The following RCC2 variants were observed in gnomAD, a reference collection of about 807,000 sequenced individuals.
RCC2 encodes the protein regulator of chromosome condensation 2.
RCC2 carries 19 observed loss-of-function variants against 64.1 expected under a neutral mutation model. The observed-to-expected ratio is 0.30, with a 90% CI of 0.21 to 0.44. The LOEUF is 0.44. Among genes scored for constraint, RCC2 ranks in the 20% least tolerant of loss-of-function variants. The probability of loss-of-function intolerance (pLI) is 1.00; values close to 1 mark genes in which losing one functional copy is unlikely to be tolerated. For missense variants in RCC2, 508 were observed against 710.4 expected, an observed-to-expected ratio of 0.72 and a Z score of 3.24; for synonymous variants, 325 against 279.6, an observed-to-expected ratio of 1.16 and a Z score of -1.62.
At chr1:17,422,680 G>C (rs759341842) in intron 5 of RCC2, 25 bp downstream of exon 5, 1 of 1,610,958 alleles carries the variant, frequency 6.2e-7, no homozygotes, top group Admixed American at 1.7e-5. Flanking sequence ...AAACTGAGAG[G>C]AGACACCAGC....
intron 7 of RCC2, among the ~76,000 whole-genome samples, chr1:17,419,926 CA>C (rs776137331): frequency 6.6e-6 from 1 of 152,226 alleles, no homozygotes; most frequent in Non-Finnish European, 1.5e-5. Context: ...TTTAGTTTCA[CA>C]AAGTCACTGT....
chr1:17,406,849 C>T lies in RCC2; in HGVS notation c.*2241G>A, dbSNP rs2075365890. On this transcript the variant is annotated 3_prime_UTR_variant, in exon 13 of 13. Coordinates refer to ENST00000375436, the MANE Select transcript of RCC2 (RefSeq NM_018715.4). The stretch of plus-strand genomic sequence containing the variant: ...TAATAAGACAATTACAGCACTAAAC[C>T]AGGCACCTTCGACCAAATCACAACC... 6.6e-6 allele frequency: 1 copy of T among 152,130 alleles called. No homozygotes were observed. Among genetic ancestry groups the T allele is most frequent in the Admixed American group, 6.5e-5 (1 of 15,280 alleles). 9.4% of individuals were successfully genotyped at this position (152,130 alleles called of 1,614,324 possible).
chr1:17,434,747 G>A (rs762455772), intron 2 of RCC2, among the ~76,000 whole-genome samples: 2 of 152,182 alleles, frequency 1.3e-5, no homozygotes, highest in East Asian at 3.9e-4. Context: ...ACACCCAGCC[G>A]GTGTGTGCTG....
rs765416456 is a variant in RCC2, at chr1:17,422,833, C to T, written c.527G>A (p.Arg176Gln). 6.2e-7 allele frequency: 1 copy of T among 1,614,040 alleles called. No homozygotes were observed. Residue 176 changes from arginine to glutamine, a missense_variant, in exon 5 of 13, where the codon CGA (arginine) becomes CAA (glutamine). Physicochemically the swap from Arg to Gln is conservative, Grantham distance 43. Around this residue, in one of 4 missense-constraint regions of RCC2, gnomAD observed 132 missense variants for 207.3 expected, o/e 0.64. Transcript: ENST00000375436. Reference sequence around the variant, plus strand: ...ATGTCCCAGCTGCCCCTTCTCATTTCGACCTGCAGATCACATGAGAGAAAG... The same window carrying T: ...ATGTCCCAGCTGCCCCTTCTCATTTTGACCTGCAGATCACATGAGAGAAAG... ...TTEGKLWSWG[R>Q]NEKGQLGHGD... is the part of the protein sequence containing the mutation.
intron 11 of RCC2, among the ~76,000 whole-genome samples, chr1:17,411,770 A>AC (rs2075429184): frequency 6.6e-6 from 1 of 152,216 alleles, no homozygotes; most frequent in Non-Finnish European, 1.5e-5. Flanking sequence ...CAAATCACCC[A>AC]CAACTGTGAG....
chr1:17,414,584 T>C lies in RCC2; in HGVS notation c.1027-867A>G, dbSNP rs1395517529. 3.4e-5 allele frequency among the ~76,000 whole-genome samples: 5 copies of C among 148,500 alleles called. No individual in the cohort carries two copies. In the East Asian group the frequency reaches 7.9e-4, roughly 23 times the overall value. ...AAAAACACAACAAAAAAAAAACAGA[T>C]TCAATTGCAGAAAGAACAGAAAAGG... On this transcript the variant is annotated intron_variant, in intron 8 of 12. Transcript: ENST00000375436.
In RCC2 at chr1:17,431,663, CA is replaced by C. The variant is rs1022119809; in HGVS notation, c.286-2465del. 7.8e-4 allele frequency among the ~76,000 whole-genome samples: 118 copies of C among 151,930 alleles called. 1 individual carries two copies. The highest frequency in any genetic ancestry group is 2.8e-3 in the African/African-American group (114 of 41,452). On this transcript the variant is annotated intron_variant, in intron 2 of 12. Transcript: ENST00000375436. ...TCTTCATGACGGATGATTTCCACTT[CA>C]ATAGGAACCTTTACACGACCCAAAC...
At chr1:17,410,697 C>T (rs1430947182) in intron 11 of RCC2, among the ~76,000 whole-genome samples, 2 of 152,026 alleles carry the variant, frequency 1.3e-5, no homozygotes, top group Non-Finnish European at 2.9e-5. Context: ...ACCCTCCCTC[C>T]CCAGCCCAGG....
At chr1:17,418,224 T>TTG (rs1214914205) in intron 7 of RCC2, among the ~76,000 whole-genome samples, 1 of 151,322 alleles carries the variant, frequency 6.6e-6, no homozygotes, top group Non-Finnish European at 1.5e-5. Context: ...TTTTTTTTTT[T>TTG]TTTTTTTTGA....
chr1:17,425,413 TG>T, intron 4 of RCC2, 127 bp downstream of exon 4: 1 of 890,750 alleles, frequency 1.1e-6, no homozygotes, highest in Non-Finnish European at 1.6e-6. Context: ...AAAAAAGACA[TG>T]GGCTGTGAAC....
chr1:17,414,787 T>C (rs537198675), intron 8 of RCC2, among the ~76,000 whole-genome samples: 23 of 152,156 alleles, frequency 1.5e-4, no homozygotes, highest in Middle Eastern at 3.4e-3. Flanking sequence ...TGCACCACCA[T>C]GCCCAGCTGA....
At chr1:17,429,547 C>T (rs1229069241) in intron 2 of RCC2, among the ~76,000 whole-genome samples, 1 of 152,188 alleles carries the variant, frequency 6.6e-6, no homozygotes, top group African/African-American at 2.4e-5. Context: ...CTGCCGGACA[C>T]TCAGGGGCGT....
chr1:17,413,661 C>G lies in RCC2; in HGVS notation c.1083G>C (p.Arg361=), dbSNP rs1221702297. The change falls in exon 9 of 13, where the codon CGG becomes CGC. Residue 361 remains arginine (R), a synonymous_variant. Transcript: ENST00000375436. ...CATCCTTCTGCTCTGCGTGGCCCAG[C>G]CGGCCATAGCCACCAAAGCCCCAGG... ...VFSWGFGGYG[R]LGHAEQKDEM... is the part of the protein sequence containing the mutation. 2 of 1,614,002 alleles carry G rather than the reference C, an allele frequency of 1.2e-6. No homozygotes were observed. Among genetic ancestry groups the G allele is most frequent in the Non-Finnish European group, 1.7e-6 (2 of 1,179,998 alleles).
At chr1:17,416,245 G>C (rs939030029) in intron 8 of RCC2, among the ~76,000 whole-genome samples, 2 of 152,172 alleles carry the variant, frequency 1.3e-5, no homozygotes, top group African/African-American at 4.8e-5. Context: ...AAACATCTAC[G>C]TGTTTAAGAT....
intron 7 of RCC2, among the ~76,000 whole-genome samples, chr1:17,417,424 T>C (rs886374248): frequency 1.3e-4 from 20 of 152,176 alleles, no homozygotes; most frequent in African/African-American, 3.1e-4. Context: ...TCCCAGCACG[T>C]TGGGAGGCCG....
chr1:17,432,991 T>G (rs148344781), intron 2 of RCC2, among the ~76,000 whole-genome samples: 2 of 151,486 alleles, frequency 1.3e-5, no homozygotes, highest in African/African-American at 2.4e-5. Flanking sequence ...AAGAAAAAAA[T>G]ATATATATAC....
At chr1:17,437,063 A>G (rs2075742461) in intron 2 of RCC2, among the ~76,000 whole-genome samples, 1 of 152,224 alleles carries the variant, frequency 6.6e-6, no homozygotes, top group Non-Finnish European at 1.5e-5. Flanking sequence ...ATTTGCAGGG[A>G]CATCAGGAGT....
intron 10 of RCC2, 98 bp from the exon 11 acceptor site, chr1:17,412,292 C>G: frequency 9.5e-7 from 1 of 1,049,580 alleles, no homozygotes; most frequent in Non-Finnish European, 1.4e-6. Context: ...CCACTTTTCC[C>G]TTGGCGTACT....
chr1:17,421,075 TCA>T (rs2075550758), intron 6 of RCC2, among the ~76,000 whole-genome samples: 1 of 152,056 alleles, frequency 6.6e-6, no homozygotes, highest in African/African-American at 2.4e-5. Flanking sequence ...CTCTTTAAGA[TCA>T]ATAAAACCAA....
Sources: gnomAD v4.1 joint callset for allele counts (sites outside exome capture counted in the v4.1 genomes callset) on GRCh38, gnomAD v4.1.1 for gene constraint, gnomAD v4.1.1 regional missense constraint, MANE v1.5 for transcripts, NCBI Gene and HGNC (gene_info 2026-07-23, HGNC 2026-07-21) for gene names.